PCDHGA12: variants seen among roughly 807,000 people sequenced by gnomAD.
PCDHGA12 encodes protocadherin gamma-A12.
PCDHGA12 carries 43 observed loss-of-function variants against 61.1 expected under a neutral mutation model. The observed-to-expected ratio is 0.70, with a 90% CI of 0.55 to 0.91. The LOEUF (loss-of-function observed/expected upper bound fraction) is 0.91, where lower values mean the gene tolerates loss of function less well. Ranked by LOEUF, PCDHGA12 falls within the 40% of genes least tolerant of loss-of-function variation. The probability of loss-of-function intolerance (pLI) is 0.00; values close to 1 mark genes in which losing one functional copy is unlikely to be tolerated. For missense variants in PCDHGA12, 1,236 were observed against 1,227.7 expected (o/e 1.01, Z -0.10); for synonymous variants, 520 against 542.9 (o/e 0.96, Z 0.59).
chr5:141,511,733 T>C lies in PCDHGA12; in HGVS notation c.*560T>C, dbSNP rs1032711521. 9 of 177,040 alleles carry C rather than the reference T, an allele frequency of 5.1e-5. No individual in the cohort carries two copies. The highest frequency in any genetic ancestry group is 8.7e-5 in the Non-Finnish European group (7 of 80,868). The allele number at this position is 177,040 out of a possible 1,614,324, so 11.0% of individuals were successfully genotyped here. ...TCCTTCCAGAGCCCAAGATCAATGC[T>C]CAAGTTTTGGAGGACATGATCACCA... On this transcript the variant is annotated 3_prime_UTR_variant, in exon 4 of 4. Transcript: ENST00000252085.
chr5:141,439,368 A>C (rs1346879772), intron 1 of PCDHGA12, among the ~76,000 whole-genome samples: 1 of 152,192 alleles, frequency 6.6e-6, no homozygotes, highest in East Asian at 1.9e-4. Flanking sequence ...CATCAAGAAG[A>C]AATAAAAATA....
At chr5:141,465,922 T>A (rs7704812) in intron 1 of PCDHGA12, among the ~76,000 whole-genome samples, 42,795 of 151,826 alleles carry the variant, frequency 0.28, 6,697 homozygotes, top group African/African-American at 0.42. Flanking sequence ...GGATTTCGAG[T>A]CCATCCTGGC....
chr5:141,494,740 T>C, intron 1 of PCDHGA12, 67 bp from the exon 2 acceptor site: 1 of 1,612,194 alleles, frequency 6.2e-7, no homozygotes, highest in Non-Finnish European at 8.5e-7. Context: ...GGCCCATCCC[T>C]AGGGGCTCGG....
At chr5:141,451,091 G>A (rs2098706622) in intron 1 of PCDHGA12, among the ~76,000 whole-genome samples, 1 of 151,962 alleles carries the variant, frequency 6.6e-6, no homozygotes, top group South Asian at 2.1e-4. Context: ...ACCTCCCAAA[G>A]TGTTGGGATT....
At position 141,485,831 on chromosome 5, in the gene PCDHGA12, C is replaced by A; in HGVS notation, c.2425-8976C>A. The A allele has an allele frequency of 6.2e-7, 1 of 1,614,080 alleles. No individual in the cohort carries two copies. Among genetic ancestry groups the A allele is most frequent in the Non-Finnish European group, 8.5e-7 (1 of 1,180,026 alleles). ...GCTGACTGCTGTCGATGGAGGGAAC[C>A]CGCCGAGATCTGGCACCGCAGAGCT... On this transcript the variant is annotated intron_variant, in intron 1 of 3. Coordinates refer to ENST00000252085, the MANE Select transcript of PCDHGA12 (RefSeq NM_003735.3). The surrounding 1 kb of genome is among the most constrained non-coding windows in gnomAD (Gnocchi z 5.7).
At position 141,494,693 on chromosome 5, in the gene PCDHGA12, G is replaced by A. The variant is rs2099756182; in HGVS notation, c.2425-114G>A. The A allele has an allele frequency of 5.0e-6, 8 of 1,585,786 alleles. No individual in the cohort carries two copies. In the South Asian group the frequency reaches 6.8e-5, roughly 13 times the overall value. ...GTCCACCCCTGCCCCCTCTTAGTCC[G>A]TTTTCTTCTCTGTGCCCACTCCCCT... is the stretch of plus-strand genomic sequence containing the variant. On this transcript the variant is annotated intron_variant, in intron 1 of 3. Transcript: ENST00000252085.
At position 141,486,059 on chromosome 5, in the gene PCDHGA12, C is replaced by T. The variant is rs141349392; in HGVS notation, c.2425-8748C>T. ...TCGTGTAAGAAACCTCTTTAGCCTG[C>T]ACCCCACTACTGGAAAGCTTACTCT... On this transcript the variant is annotated intron_variant, in intron 1 of 3. Transcript: ENST00000252085. The surrounding 1 kb of genome is among the most constrained non-coding windows in gnomAD (Gnocchi z 5.0). The T allele has an allele frequency of 9.0e-5, 146 of 1,614,034 alleles. No individual in the cohort carries two copies. The highest frequency in any genetic ancestry group is 1.2e-4 in the Non-Finnish European group (138 of 1,180,018).
chr5:141,432,378 C>A lies in PCDHGA12; in HGVS notation c.1619C>A (p.Pro540Gln). The change falls in exon 1 of 4, where the codon CCG becomes CAG. Residue 540 changes from proline to glutamine, a missense_variant. Pro to Gln is a moderately conservative substitution (Grantham distance 76). Coordinates refer to ENST00000252085, the MANE Select transcript of PCDHGA12 (RefSeq NM_003735.3). This position sits in a 1 kb window ranked among gnomAD's most constrained non-coding sequence, Gnocchi z 6.0. ...GTGATGGCGCGGGACAACGGGCACC[C>A]GCCCCTCAGCAGCAACGTGTCGTTG... Reference protein sequence around the residue: ...VKVMARDNGHPPLSSNVSLSL... With the variant: ...VKVMARDNGHQPLSSNVSLSL... 6.2e-7 allele frequency: 1 copy of A among 1,614,234 alleles called. No individual in the cohort carries two copies. Among genetic ancestry groups the A allele is most frequent in the South Asian group, 1.1e-5 (1 of 91,082 alleles).
chr5:141,473,756 A>G (rs2099328139), intron 1 of PCDHGA12, among the ~76,000 whole-genome samples: 1 of 152,228 alleles, frequency 6.6e-6, no homozygotes, highest in African/African-American at 2.4e-5. Context: ...CTTGGATACT[A>G]TGCAAAGGAT....
In PCDHGA12 at chr5:141,490,673, C is replaced by T; in HGVS notation, c.2425-4134C>T. ...GGCTCCCTTCTTTGCACTGTGGCTG[C>T]CTCAGATCCAGACACTGGGGATAAT... On this transcript the variant is annotated intron_variant, in intron 1 of 3. Coordinates refer to ENST00000252085, the MANE Select transcript of PCDHGA12 (RefSeq NM_003735.3). This position sits in a 1 kb window ranked among gnomAD's most constrained non-coding sequence, Gnocchi z 5.4. 1.2e-6 allele frequency: 2 copies of T among 1,614,126 alleles called. No homozygotes were observed. The highest frequency in any genetic ancestry group is 1.7e-6 in the Non-Finnish European group (2 of 1,179,952).
Position 141,476,944 on chromosome 5 carries a change from C to T in PCDHGA12, c.2425-17863C>T, listed in dbSNP as rs1360022622. The T allele has an allele frequency of 3.3e-5, 53 of 1,614,072 alleles. No homozygotes were observed. The highest frequency in any genetic ancestry group is 4.1e-5 in the Non-Finnish European group (48 of 1,180,052). ...CAACGGATCTGGATGAAGGCCCCAACGGTGAAATTATTTACTCCTTCGGCA... is the reference window on the plus strand; with the variant it reads ...CAACGGATCTGGATGAAGGCCCCAATGGTGAAATTATTTACTCCTTCGGCA... On this transcript the variant is annotated intron_variant, in intron 1 of 3. Transcript: ENST00000252085. The surrounding 1 kb of genome is among the most constrained non-coding windows in gnomAD (Gnocchi z 7.6).
At chr5:141,462,547 T>G (rs534942187) in intron 1 of PCDHGA12, among the ~76,000 whole-genome samples, 1 of 152,330 alleles carries the variant, frequency 6.6e-6, no homozygotes, top group African/African-American at 2.4e-5. Flanking sequence ...TCTTTTCTTC[T>G]TCAGTGTTTA....
Position 141,485,092 on chromosome 5 carries a change from G to C in PCDHGA12, c.2425-9715G>C, listed in dbSNP as rs2099606725. 3.8e-6 allele frequency: 4 copies of C among 1,065,492 alleles called. No homozygotes were observed. Among genetic ancestry groups the C allele is most frequent in the Non-Finnish European group, 5.6e-6 (4 of 708,358 alleles). The allele number at this position is 1,065,492 out of a possible 1,614,324, so 66.0% of individuals were successfully genotyped here. A position where few individuals can be genotyped will look rare whatever the true frequency, so the allele number is the denominator to read the frequency against. Reference sequence around the variant, plus strand: ...CTGGCGCGGGGAAAGGGAGATAGGTGTCTCCAGCTGCTGTGGCTGTTTGGG... The same window carrying C: ...CTGGCGCGGGGAAAGGGAGATAGGTCTCTCCAGCTGCTGTGGCTGTTTGGG... On this transcript the variant is annotated intron_variant, in intron 1 of 3. Coordinates refer to ENST00000252085, the MANE Select transcript of PCDHGA12 (RefSeq NM_003735.3). This position sits in a 1 kb window ranked among gnomAD's most constrained non-coding sequence, Gnocchi z 5.7.
chr5:141,455,244 T>C (rs977940552), intron 1 of PCDHGA12, among the ~76,000 whole-genome samples: 1 of 152,142 alleles, frequency 6.6e-6, no homozygotes, highest in Admixed American at 6.5e-5. Flanking sequence ...TTAAAGGTCA[T>C]AGTACAATCG....
At chr5:141,494,708 C>T (rs1481947557) in intron 1 of PCDHGA12, 99 bp from the exon 2 acceptor site, 2 of 1,599,566 alleles carry the variant, frequency 1.3e-6, no homozygotes, top group Non-Finnish European at 1.7e-6. Flanking sequence ...CTTCTCTGTG[C>T]CCACTCCCCT....
At position 141,489,481 on chromosome 5, in the gene PCDHGA12, A is replaced by C; in HGVS notation, c.2425-5326A>C. 6.2e-7 allele frequency: 1 copy of C among 1,614,040 alleles called. No homozygotes were observed. The highest frequency in any genetic ancestry group is 8.5e-7 in the Non-Finnish European group (1 of 1,180,004). ...GCGCTATTTTTCCCTGAGCTTGATG[A>C]GTGGTGCCCTGGCAGTGAATCAAAA... is the stretch of plus-strand genomic sequence containing the variant. On this transcript the variant is annotated intron_variant, in intron 1 of 3. Transcript: ENST00000252085. The surrounding 1 kb of genome is among the most constrained non-coding windows in gnomAD (Gnocchi z 4.5).
chr5:141,477,037 G>A lies in PCDHGA12; in HGVS notation c.2425-17770G>A. ...TTGTAACCGGGATGCTGACAATCAAGGGTCGGCTGGACTTCGAGGACACCA... is the reference window on the plus strand; with the variant it reads ...TTGTAACCGGGATGCTGACAATCAAAGGTCGGCTGGACTTCGAGGACACCA... On this transcript the variant is annotated intron_variant, in intron 1 of 3. Coordinates refer to ENST00000252085, the MANE Select transcript of PCDHGA12 (RefSeq NM_003735.3). This position sits in a 1 kb window ranked among gnomAD's most constrained non-coding sequence, Gnocchi z 4.9. 6.2e-7 allele frequency: 1 copy of A among 1,614,266 alleles called. No individual in the cohort carries two copies. The highest frequency in any genetic ancestry group is 8.5e-7 in the Non-Finnish European group (1 of 1,180,052).
Position 141,505,432 on chromosome 5 carries a change from C to T in PCDHGA12, c.2523C>T (p.Asn841=), listed in dbSNP as rs776731214. Residue 841 remains asparagine, a synonymous_variant, in exon 3 of 4, where the codon AAC becomes AAT. Transcript: ENST00000252085. ...ATGACACCGGCACCTGGCCCAACAA[C>T]CAGTTTGACACAGAGATGCTGCAAG... ...NGDDTGTWPN[N]QFDTEMLQAM... 6.2e-7 allele frequency: 1 copy of T among 1,614,252 alleles called. No homozygotes were observed. Among genetic ancestry groups the T allele is most frequent in the Non-Finnish European group, 8.5e-7 (1 of 1,180,048 alleles).
At chr5:141,474,912 C>T (rs1018411233) in intron 1 of PCDHGA12, among the ~76,000 whole-genome samples, 6 of 152,214 alleles carry the variant, frequency 3.9e-5, no homozygotes, top group African/African-American at 1.2e-4. Flanking sequence ...CAAGGATATA[C>T]ATCTCATCTC....
Sources: gnomAD v4.1 joint callset for allele counts (sites outside exome capture counted in the v4.1 genomes callset) on GRCh38, gnomAD v4.1.1 for gene constraint, Gnocchi (gnomAD v3.1) non-coding constraint, MANE v1.5 for transcripts, NCBI Gene and HGNC (gene_info 2026-07-23, HGNC 2026-07-21) for gene names.